Variants in MAF observed in about 807,000 individuals in gnomAD.
MAF encodes transcription factor Maf.
MAF carries 10 observed loss-of-function variants against 22.0 expected under a neutral mutation model. The observed-to-expected ratio is 0.45, with a 90% CI of 0.28 to 0.77. The LOEUF is 0.77. MAF is among the 30% of genes least tolerant of loss of function. The probability of loss-of-function intolerance (pLI) is 0.12; values close to 1 mark genes in which losing one functional copy is unlikely to be tolerated. For synonymous variants in MAF, 337 were observed against 255.8 expected, an observed-to-expected ratio of 1.32 and a Z score of -3.03; for missense variants, 544 against 548.4, an observed-to-expected ratio of 0.99 and a Z score of 0.08.
At chr16:79,547,904 G>GAGACAGAGAGAGAC in the MAF span, among the ~76,000 whole-genome samples, 1 of 134,992 alleles carries the variant, frequency 7.4e-6, no homozygotes, top group South Asian at 2.7e-4. Flanking sequence ...GTGTGTGTGA[G>GAGACAGAGAGAGAC]AGAGAGAGAG....
At chr16:79,224,900 G>A in the MAF span, among the ~76,000 whole-genome samples, 8 of 152,140 alleles carry the variant, frequency 5.3e-5, no homozygotes, top group Non-Finnish European at 1.0e-4. Flanking sequence ...ATGCTCATGG[G>A]TAGGAAGAAT....
the MAF span, among the ~76,000 whole-genome samples, chr16:79,289,661 G>C: frequency 6.6e-6 from 1 of 152,072 alleles, no homozygotes; most frequent in East Asian, 1.9e-4. Flanking sequence ...AAAGCAGCCT[G>C]AATGGGGCAC....
At chr16:79,493,050 A>T in the MAF span, among the ~76,000 whole-genome samples, 9 of 151,664 alleles carry the variant, frequency 5.9e-5, no homozygotes, top group African/African-American at 2.2e-4. Flanking sequence ...CCTCATCTCA[A>T]GGGTTCAAGC....
At chr16:79,260,415 G>T in the MAF span, among the ~76,000 whole-genome samples, 2 of 151,918 alleles carry the variant, frequency 1.3e-5, no homozygotes, top group Non-Finnish European at 2.9e-5. Context: ...GCCTCCCAGA[G>T]TCCTGGAATC....
chr16:79,480,724 C>T, the MAF span, among the ~76,000 whole-genome samples: 1 of 152,116 alleles, frequency 6.6e-6, no homozygotes, highest in Non-Finnish European at 1.5e-5. Flanking sequence ...GGTCAGAGTA[C>T]CATGAACCAA....
the MAF span, among the ~76,000 whole-genome samples, chr16:79,473,774 T>C: frequency 6.6e-6 from 1 of 152,138 alleles, no homozygotes; most frequent in Admixed American, 6.5e-5. Context: ...CTGAAATGGA[T>C]TTTACACTTA....
At chr16:79,429,139 T>A in the MAF span, among the ~76,000 whole-genome samples, 7 of 152,152 alleles carry the variant, frequency 4.6e-5, no homozygotes, top group African/African-American at 1.7e-4. Context: ...GGCACATCCG[T>A]GGGAGGGCTA....
the MAF span, among the ~76,000 whole-genome samples, chr16:79,321,354 T>C: frequency 6.6e-6 from 1 of 152,294 alleles, no homozygotes; most frequent in South Asian, 2.1e-4. Flanking sequence ...CCAGTTAAAT[T>C]TGAATTTCAG....
At chr16:79,596,339 A>G (rs1913522689) in intron 1 of MAF, 1 of 1,059,738 alleles carries the variant, frequency 9.4e-7, no homozygotes, top group African/African-American at 1.6e-5. Context: ...TCACTTCAAA[A>G]AACAGCCTAT....
the MAF span, among the ~76,000 whole-genome samples, chr16:79,312,821 G>A: frequency 8.5e-5 from 13 of 152,058 alleles, no homozygotes; most frequent in Admixed American, 7.2e-4. Context: ...GATTGTCTTC[G>A]GCTACATATA....
At chr16:79,355,409 G>A in the MAF span, among the ~76,000 whole-genome samples, 3 of 152,332 alleles carry the variant, frequency 2.0e-5, no homozygotes, top group South Asian at 2.1e-4. Context: ...GCCCAGCGGA[G>A]TCAAAGGACA....
At chr16:79,362,994 C>T in the MAF span, among the ~76,000 whole-genome samples, 2 of 152,264 alleles carry the variant, frequency 1.3e-5, no homozygotes, top group African/African-American at 4.8e-5. Context: ...GCATAAGGGA[C>T]TATATTTCAA....
the MAF span, among the ~76,000 whole-genome samples, chr16:79,207,294 A>G: frequency 6.6e-6 from 1 of 152,256 alleles, no homozygotes; most frequent in African/African-American, 2.4e-5. Context: ...ACACCAGATG[A>G]GTAACAATGG....
intron 1 of MAF, chr16:79,596,711 G>A (rs748009150): frequency 5.8e-6 from 6 of 1,041,500 alleles, no homozygotes; most frequent in Non-Finnish European, 5.8e-6. Flanking sequence ...GTCAGTCCCT[G>A]AAAATAACAT....
At chr16:79,382,413 T>C in the MAF span, among the ~76,000 whole-genome samples, 2,198 of 152,346 alleles carry the variant, frequency 0.014, 49 homozygotes, top group African/African-American at 0.05. Context: ...CTATCTGGGC[T>C]GTCCAGTATG....
chr16:79,469,865 G>A, the MAF span, among the ~76,000 whole-genome samples: 1,585 of 152,272 alleles, frequency 0.01, 38 homozygotes, highest in African/African-American at 0.037. Context: ...AAAGTGCTGA[G>A]ATTACAGGCT....
chr16:79,518,818 G>C, the MAF span, among the ~76,000 whole-genome samples: 1 of 152,122 alleles, frequency 6.6e-6, no homozygotes, highest in Non-Finnish European at 1.5e-5. Context: ...CCAGCCACTC[G>C]GGAGGCTGAG....
At chr16:79,230,125 T>G in the MAF span, among the ~76,000 whole-genome samples, 1 of 152,154 alleles carries the variant, frequency 6.6e-6, no homozygotes, top group African/African-American at 2.4e-5. Flanking sequence ...GCTGAGTGAC[T>G]CTGTAGGCAA....
chr16:79,571,036 G>C, the MAF span, among the ~76,000 whole-genome samples: 1 of 151,528 alleles, frequency 6.6e-6, no homozygotes, highest in African/African-American at 2.4e-5. Context: ...CTTTCCCAAA[G>C]TCACAAAGCT....
Sources: gnomAD v4.1 joint callset for allele counts (sites outside exome capture counted in the v4.1 genomes callset) on GRCh38, gnomAD v4.1.1 for gene constraint, MANE v1.5 for transcripts, NCBI Gene and HGNC (gene_info 2026-07-23, HGNC 2026-07-21) for gene names.